The following TRPC4 variants were observed in gnomAD, a reference collection of about 807,000 sequenced individuals.
TRPC4 encodes short transient receptor potential channel 4.
TRPC4 carries 49 observed loss-of-function variants against 99.4 expected under a neutral mutation model. The ratio of observed to expected loss-of-function variants is 0.49; its 90% CI spans 0.39 to 0.63. The LOEUF is 0.63. Ranked by LOEUF, TRPC4 falls within the 20% of genes least tolerant of loss-of-function variation. The pLI is 0.00. For missense variants in TRPC4, 898 were observed against 1,152.9 expected, an observed-to-expected ratio of 0.78 and a Z score of 3.20; for synonymous variants, 454 against 425.9, an observed-to-expected ratio of 1.07 and a Z score of -0.81.
rs544186577 is a variant in TRPC4 at position 37,692,026 on chromosome 13, C to T, written c.1207G>A (p.Glu403Lys). 4 of 1,613,854 alleles carry T rather than the reference C, an allele frequency of 2.5e-6. No homozygotes were observed. The highest frequency in any genetic ancestry group is 1.3e-5 in the African/African-American group (1 of 75,012). The part of the protein sequence containing the change: ...NRQGPPPTIV[E>K]WMILPWVLGF... ...AGGACCCACGGTAATATCATCCACT[C>T]GACGATGGTTGGTGGTGGACCTTGC... Residue 403 changes from glutamate (E) to lysine (K), a missense_variant, in exon 4 of 11, where the codon GAG (glutamate) becomes AAG (lysine). Glu to Lys is a moderately conservative substitution (Grantham distance 56, BLOSUM62 1). Transcript: ENST00000379705.
chr13:37,859,324 A>G (rs1378647326), intron 1 of TRPC4, among the ~76,000 whole-genome samples: 4 of 151,452 alleles, frequency 2.6e-5, no homozygotes, highest in African/African-American at 4.8e-5. Flanking sequence ...GGTCAAAGCT[A>G]TATCTAAAGA....
intron 2 of TRPC4, among the ~76,000 whole-genome samples, chr13:37,769,238 G>T (rs1013656573): frequency 2.0e-5 from 3 of 151,086 alleles, no homozygotes; most frequent in African/African-American, 7.3e-5. Context: ...ATATATTTTT[G>T]AAAGCCTCAA....
At chr13:37,857,389 T>C (rs1959182939) in intron 1 of TRPC4, among the ~76,000 whole-genome samples, 1 of 151,620 alleles carries the variant, frequency 6.6e-6, no homozygotes, top group Non-Finnish European at 1.5e-5. Flanking sequence ...AAAATACCAA[T>C]GACATTCTTC....
rs936853173 is a variant in TRPC4 at position 37,790,693 on chromosome 13, T to C, written c.-27-7333A>G. On this transcript the variant is annotated intron_variant, in intron 1 of 10. Transcript: ENST00000379705. ...GCCTCATCCTAATCATTTTCCCGCC[T>C]TGAAAGATCAACCTGAAACCAACTG... 1.0e-3 allele frequency among the ~76,000 whole-genome samples: 157 copies of C among 152,246 alleles called. 3 individuals are homozygous for C. The highest frequency in any genetic ancestry group is 3.4e-3 in the African/African-American group (141 of 41,564).
intron 1 of TRPC4, among the ~76,000 whole-genome samples, chr13:37,831,792 A>G (rs920839913): frequency 5.5e-4 from 84 of 152,212 alleles, no homozygotes; most frequent in African/African-American, 2.0e-3. Flanking sequence ...ACAGAGAGAC[A>G]AATACTTGCA....
chr13:37,698,141 T>G (rs1242716994), intron 3 of TRPC4, among the ~76,000 whole-genome samples: 1 of 129,632 alleles, frequency 7.7e-6, no homozygotes, highest in Non-Finnish European at 1.6e-5. Flanking sequence ...TTTTGCCCAG[T>G]TCTCAAGGTT....
In TRPC4 at chr13:37,794,185, G is replaced by A. The variant is rs563828485; in HGVS notation, c.-27-10825C>T. ...GTAACTACAGTTATAATTAAGAAAG[G>A]TTACATATGGGTAATTGGTGGTTTT... is the stretch of plus-strand genomic sequence containing the variant. On this transcript the variant is annotated intron_variant, in intron 1 of 10. Transcript: ENST00000379705. Among the ~76,000 whole-genome samples the A allele has an allele frequency of 2.9e-5, 4 of 136,494 alleles. No homozygotes were observed. The East Asian group carries it at 8.5e-4, about 29-fold the overall frequency. The allele number at this position is 136,494 out of a possible 152,430, so 89.5% of individuals were successfully genotyped here. A position where few individuals can be genotyped will look rare whatever the true frequency, so the allele number is the denominator to read the frequency against.
At chr13:37,661,390 G>A (rs1224648743) in intron 6 of TRPC4, among the ~76,000 whole-genome samples, 1 of 152,206 alleles carries the variant, frequency 6.6e-6, no homozygotes, top group Non-Finnish European at 1.5e-5. Context: ...ACAGTGTTAT[G>A]TATAACCTAT....
intron 5 of TRPC4, among the ~76,000 whole-genome samples, chr13:37,668,065 A>G (rs1000832937): frequency 6.6e-6 from 1 of 152,220 alleles, no homozygotes; most frequent in Admixed American, 6.5e-5. Context: ...CTGCAGATGC[A>G]TGGACATTAG....
intron 1 of TRPC4, among the ~76,000 whole-genome samples, chr13:37,794,193 T>G (rs1006027822): frequency 9.0e-6 from 1 of 111,300 alleles, no homozygotes; most frequent in African/African-American, 3.2e-5. Context: ...AGGTTACATA[T>G]GGGTAATTGG....
intron 2 of TRPC4, among the ~76,000 whole-genome samples, chr13:37,773,890 C>T (rs184184604): frequency 6.6e-6 from 1 of 151,738 alleles, no homozygotes. Context: ...CAATATATTG[C>T]TAATTGAGAA....
chr13:37,721,713 A>C (rs555545727), intron 3 of TRPC4, among the ~76,000 whole-genome samples: 2 of 152,352 alleles, frequency 1.3e-5, no homozygotes, highest in Non-Finnish European at 2.9e-5. Context: ...TTTTATTTAA[A>C]TAAATTTTAT....
At chr13:37,698,616 T>A (rs1363906364) in intron 3 of TRPC4, among the ~76,000 whole-genome samples, 1 of 152,162 alleles carries the variant, frequency 6.6e-6, no homozygotes, top group Non-Finnish European at 1.5e-5. Context: ...AGGAATTGCA[T>A]AGAAGTCACA....
chr13:37,660,353 A>G (rs1038631892), intron 6 of TRPC4, among the ~76,000 whole-genome samples: 29 of 152,222 alleles, frequency 1.9e-4, no homozygotes, highest in African/African-American at 6.3e-4. Context: ...ATAAATATCC[A>G]TAGTTAATGG....
intron 3 of TRPC4, among the ~76,000 whole-genome samples, chr13:37,713,509 T>A (rs189509858): frequency 2.0e-5 from 3 of 152,198 alleles, no homozygotes; most frequent in Non-Finnish European, 2.9e-5. Context: ...TTTCTCATTA[T>A]CTGAATAACC....
At chr13:37,674,199 G>C in intron 5 of TRPC4, 29 bp downstream of exon 5, 1 of 1,548,886 alleles carries the variant, frequency 6.5e-7, no homozygotes, top group Non-Finnish European at 8.7e-7. Flanking sequence ...CAGAACATAT[G>C]CTTTACCAAC....
intron 1 of TRPC4, among the ~76,000 whole-genome samples, chr13:37,849,436 G>A (rs114851105): frequency 6.6e-6 from 1 of 152,248 alleles, no homozygotes; most frequent in Non-Finnish European, 1.5e-5. Flanking sequence ...TAGATGTAGT[G>A]TTGAGGAACA....
chr13:37,789,818 C>A (rs912447478), intron 1 of TRPC4, among the ~76,000 whole-genome samples: 3 of 151,778 alleles, frequency 2.0e-5, no homozygotes, highest in African/African-American at 4.8e-5. Flanking sequence ...TGTTTCTCAT[C>A]TTTACTTCCT....
chr13:37,660,167 A>G (rs1341777712), intron 6 of TRPC4, among the ~76,000 whole-genome samples: 1 of 152,210 alleles, frequency 6.6e-6, no homozygotes. Flanking sequence ...TAATGAAAAT[A>G]AAAAATTATC....
Sources: allele counts gnomAD v4.1 joint callset (sites outside exome capture counted in the v4.1 genomes callset), GRCh38; gene constraint gnomAD v4.1.1; transcripts MANE v1.5; gene names NCBI Gene and HGNC (gene_info 2026-07-23, HGNC 2026-07-21).